Variants in EFTUD2 observed in about 807,000 individuals in gnomAD.
EFTUD2 encodes the protein 116 kDa U5 small nuclear ribonucleoprotein component.
Under a neutral mutation model 114.3 loss-of-function variants are expected in EFTUD2, and 9 were observed. The ratio of observed to expected loss-of-function variants is 0.08; its 90% CI spans 0.05 to 0.14. The LOEUF (loss-of-function observed/expected upper bound fraction) is 0.14, where lower values mean the gene tolerates loss of function less well. Among genes scored for constraint, EFTUD2 ranks in the 10% least tolerant of loss-of-function variants. The pLI, the probability that EFTUD2 is intolerant of heterozygous loss-of-function variation, is 1.00. For synonymous variants in EFTUD2, 449 were observed against 462.3 expected (o/e 0.97, Z 0.37); for missense variants, 765 against 1,241.2 (o/e 0.62, Z 5.76).
chr17:44,880,783 C>G, intron 7 of EFTUD2, 139 bp from the exon 8 acceptor site: 1 of 599,734 alleles, frequency 1.7e-6, no homozygotes, highest in South Asian at 2.1e-5. Context: ...CTCTAGCCAG[C>G]ATGACCTTGA....
chr17:44,891,396 C>G (rs2051275806), intron 2 of EFTUD2, among the ~76,000 whole-genome samples: 1 of 152,182 alleles, frequency 6.6e-6, no homozygotes, highest in South Asian at 2.1e-4. Context: ...GTTGCCCACG[C>G]TAGAGTGCAG....
At chr17:44,868,200 A>G in intron 12 of EFTUD2, 87 bp downstream of exon 12, 1 of 1,248,538 alleles carries the variant, frequency 8.0e-7, no homozygotes, top group Non-Finnish European at 1.1e-6. Flanking sequence ...GTAGGTATTT[A>G]ATCTTTGAAC....
Position 44,854,394 on chromosome 17 carries a change from G to A in EFTUD2, c.2260-38C>T, listed in dbSNP as rs771900448. On this transcript the variant is annotated intron_variant, in intron 22 of 27. Transcript: ENST00000426333. The surrounding 1 kb of genome is among the most constrained non-coding windows in gnomAD (Gnocchi z 4.3). ...ATGAGGCCTCCTTAGCAGTCGCCCT[G>A]GCAACGGCTGAAGCATTTAGAGGGA... 2 of 1,602,782 alleles carry A rather than the reference G, an allele frequency of 1.2e-6. No individual in the cohort carries two copies. Among genetic ancestry groups the A allele is most frequent in the Admixed American group, 3.4e-5 (2 of 58,478 alleles).
At chr17:44,894,314 G>A (rs1032034628) in intron 2 of EFTUD2, 103 bp downstream of exon 2, 4 of 936,258 alleles carry the variant, frequency 4.3e-6, no homozygotes, top group Admixed American at 1.9e-5. Context: ...AGGTTGCAGT[G>A]AGCTGAGATT....
Position 44,854,871 on chromosome 17 carries a change from G to A in EFTUD2, c.2132+47C>T, listed in dbSNP as rs2050519237. On this transcript the variant is annotated intron_variant, in intron 21 of 27. Coordinates refer to ENST00000426333, the MANE Select transcript of EFTUD2 (RefSeq NM_004247.4). The surrounding 1 kb of genome is among the most constrained non-coding windows in gnomAD (Gnocchi z 4.3). Reference sequence around the variant, plus strand: ...CTTAGAGACCCGGCAGTTAAACTGTGGCATCCCTGCCTCCTTTCGACCCTG... The same window carrying A: ...CTTAGAGACCCGGCAGTTAAACTGTAGCATCCCTGCCTCCTTTCGACCCTG... The A allele has an allele frequency of 1.9e-6, 3 of 1,588,514 alleles. No homozygotes were observed. The highest frequency in any genetic ancestry group is 2.6e-6 in the Non-Finnish European group (3 of 1,157,020).
intron 18 of EFTUD2, chr17:44,859,479 C>A: frequency 1.9e-6 from 1 of 516,792 alleles, no homozygotes; most frequent in Non-Finnish European, 3.5e-6. Context: ...CCCTTTAGCC[C>A]TCCTGGCCTG....
At position 44,883,192 on chromosome 17, in the gene EFTUD2, C is replaced by T. The variant is rs573639788; in HGVS notation, c.427-34G>A. 1.3e-5 allele frequency: 21 copies of T among 1,608,474 alleles called. No individual in the cohort carries two copies. In the South Asian group the frequency reaches 2.3e-4, roughly 18 times the overall value. On this transcript the variant is annotated intron_variant, in intron 5 of 27. Coordinates refer to ENST00000426333, the MANE Select transcript of EFTUD2 (RefSeq NM_004247.4). Reference sequence around the variant, plus strand: ...GAAGAAACAGTTAACATCTGCCGACCACAGAGGAAAATTTACTGTGCCCTT... The same window carrying T: ...GAAGAAACAGTTAACATCTGCCGACTACAGAGGAAAATTTACTGTGCCCTT...
intron 18 of EFTUD2, 198 bp downstream of exon 18, chr17:44,859,707 T>C: frequency 1.3e-6 from 1 of 772,432 alleles, no homozygotes; most frequent in Middle Eastern, 3.9e-4. Flanking sequence ...ACACAGGTCT[T>C]GTTTTAACAC....
At position 44,852,356 on chromosome 17, in the gene EFTUD2, T is replaced by C. The variant is rs2050471204; in HGVS notation, c.2715+53A>G. The C allele has an allele frequency of 1.9e-6, 3 of 1,607,696 alleles. No individual in the cohort carries two copies. The Admixed American group carries it at 5.0e-5, about 27-fold the overall frequency. On this transcript the variant is annotated intron_variant, in intron 26 of 27. Coordinates refer to ENST00000426333, the MANE Select transcript of EFTUD2 (RefSeq NM_004247.4). ...GGAGAGGGATCAGGACAGAAGGGGA[T>C]GAGGCTTGCAGAGGTGGGAAGCCAA... is the stretch of plus-strand genomic sequence containing the variant.
rs1234255283 is a variant in EFTUD2 at position 44,857,067 on chromosome 17, C to T, written c.2045+8G>A. ...TGCAGTCCCAGGGACACTGTGCTCC[C>T]AGCTTACTTCTTATTAGGCGTTTCA... On this transcript the variant is annotated splice_region_variant and intron_variant, in intron 20 of 27. Coordinates refer to ENST00000426333, the MANE Select transcript of EFTUD2 (RefSeq NM_004247.4). 6.2e-7 allele frequency: 1 copy of T among 1,612,840 alleles called. No homozygotes were observed. The highest frequency in any genetic ancestry group is 8.5e-7 in the Non-Finnish European group (1 of 1,179,032).
chr17:44,889,318 G>C (rs898621034), intron 2 of EFTUD2, among the ~76,000 whole-genome samples: 1 of 152,156 alleles, frequency 6.6e-6, no homozygotes, highest in Non-Finnish European at 1.5e-5. Context: ...AGAGGATCTG[G>C]AGACAGCAAC....
At chr17:44,875,820 C>A in intron 10 of EFTUD2, 114 bp downstream of exon 10, 1 of 1,365,556 alleles carries the variant, frequency 7.3e-7, no homozygotes, top group Non-Finnish European at 1.0e-6. Flanking sequence ...CTAGTTTTGC[C>A]CAACAAACTC....
rs1292807255 is a variant in EFTUD2, at chr17:44,854,194, G to A, written c.2347+75C>T. On this transcript the variant is annotated intron_variant, in intron 23 of 27. Coordinates refer to ENST00000426333, the MANE Select transcript of EFTUD2 (RefSeq NM_004247.4). This position sits in a 1 kb window ranked among gnomAD's most constrained non-coding sequence, Gnocchi z 4.3. Reference sequence around the variant, plus strand: ...CTTCTCCTGCCGAATCCTAAAGATGGTGAGCCCATCCCACTCATATGCCTG... The same window carrying A: ...CTTCTCCTGCCGAATCCTAAAGATGATGAGCCCATCCCACTCATATGCCTG... The A allele has an allele frequency of 1.1e-5, 16 of 1,489,300 alleles. No individual in the cohort carries two copies. In the South Asian group the frequency reaches 1.9e-4, roughly 18 times the overall value. 92.3% of individuals were successfully genotyped at this position (1,489,300 alleles called of 1,614,324 possible).
At chr17:44,868,200 A>C in intron 12 of EFTUD2, 87 bp downstream of exon 12, 1 of 1,248,540 alleles carries the variant, frequency 8.0e-7, no homozygotes, top group Non-Finnish European at 1.1e-6. Flanking sequence ...GTAGGTATTT[A>C]ATCTTTGAAC....
rs1314727442 is a variant in EFTUD2 at position 44,850,382 on chromosome 17, G to A, written c.*892C>T. ...TTACGTCAAGAGGATGGCACAGGAT[G>A]CTGGAGAGAAGTAGGACTCCTATAG... On this transcript the variant is annotated 3_prime_UTR_variant, in exon 28 of 28. Coordinates refer to ENST00000426333, the MANE Select transcript of EFTUD2 (RefSeq NM_004247.4). 4 of 1,612,898 alleles carry A rather than the reference G, an allele frequency of 2.5e-6. No homozygotes were observed. The highest frequency in any genetic ancestry group is 2.5e-6 in the Non-Finnish European group (3 of 1,179,332).
At chr17:44,882,730 C>T (rs528904667) in intron 6 of EFTUD2, among the ~76,000 whole-genome samples, 17 of 152,202 alleles carry the variant, frequency 1.1e-4, no homozygotes, top group African/African-American at 4.1e-4. Flanking sequence ...ACACAGTTGG[C>T]CTCATTCACA....
At chr17:44,878,918 A>C (rs1454243148) in intron 9 of EFTUD2, among the ~76,000 whole-genome samples, 1 of 152,232 alleles carries the variant, frequency 6.6e-6, no homozygotes, top group East Asian at 1.9e-4. Flanking sequence ...TTTTAACTCC[A>C]ATCTCTTGGA....
intron 16 of EFTUD2, among the ~76,000 whole-genome samples, chr17:44,862,139 CA>C (rs1023052104): frequency 6.6e-6 from 1 of 152,080 alleles, no homozygotes. Context: ...TTCATGCTTT[CA>C]AAAGGGCTTT....
At position 44,854,619 on chromosome 17, in the gene EFTUD2, G is replaced by A. The variant is rs529734245; in HGVS notation, c.2196C>T (p.Ile732=). 2.5e-6 allele frequency: 4 copies of A among 1,614,216 alleles called. No homozygotes were observed. In the South Asian group the frequency reaches 3.3e-5, roughly 13 times the overall value. The change falls in exon 22 of 28, where the codon ATC becomes ATT. Residue 732 remains isoleucine (I), a synonymous_variant. Coordinates refer to ENST00000426333, the MANE Select transcript of EFTUD2 (RefSeq NM_004247.4). This position sits in a 1 kb window ranked among gnomAD's most constrained non-coding sequence, Gnocchi z 4.3. ...YDWDLLAARS[I]WAFGPDATGP... ...CAGTCGCATCAGGGCCAAAAGCCCA[G>A]ATGGAACGGGCAGCCAGCAGATCCC...
Sources: gnomAD v4.1 joint callset for allele counts (sites outside exome capture counted in the v4.1 genomes callset) on GRCh38, gnomAD v4.1.1 for gene constraint, Gnocchi (gnomAD v3.1) non-coding constraint, MANE v1.5 for transcripts, NCBI Gene and HGNC (gene_info 2026-07-23, HGNC 2026-07-21) for gene names.